Variants in CAMK4 observed in about 807,000 individuals in gnomAD.
The protein encoded by CAMK4 is calcium/calmodulin dependent protein kinase IV, also known as calcium/calmodulin-dependent protein kinase type IV.
A neutral mutation model predicts 44.9 loss-of-function variants in CAMK4; 22 were observed. The observed-to-expected ratio is 0.49, with a 90% CI of 0.35 to 0.70. The LOEUF (loss-of-function observed/expected upper bound fraction) is 0.70. Among genes scored for constraint, CAMK4 ranks in the 30% least tolerant of loss-of-function variants. The probability of loss-of-function intolerance (pLI) is 0.01; values close to 1 mark genes in which losing one functional copy is unlikely to be tolerated. For synonymous variants in CAMK4, 218 were observed against 215.4 expected, an observed-to-expected ratio of 1.01 and a Z score of -0.11; for missense variants, 498 against 586.8, an observed-to-expected ratio of 0.85 and a Z score of 1.56.
intron 2 of CAMK4, among the ~76,000 whole-genome samples, chr5:111,357,699 G>A (rs1258743353): frequency 3.3e-5 from 5 of 152,000 alleles, no homozygotes; most frequent in African/African-American, 9.7e-5. Context: ...AGTTTTCAAC[G>A]TTTTTTAAAA....
intron 1 of CAMK4, among the ~76,000 whole-genome samples, chr5:111,319,276 C>T (rs1748562101): frequency 6.6e-6 from 1 of 152,164 alleles, no homozygotes; most frequent in Non-Finnish European, 1.5e-5. Flanking sequence ...TGGGACCTTT[C>T]TAGATAGACT....
At chr5:111,421,951 A>C (rs192478313) in intron 5 of CAMK4, among the ~76,000 whole-genome samples, 5 of 152,350 alleles carry the variant, frequency 3.3e-5, no homozygotes, top group Admixed American at 2.0e-4. Context: ...GCCTGCTGCC[A>C]TGTAAGATGT....
At chr5:111,340,650 C>G (rs1221286892) in intron 1 of CAMK4, among the ~76,000 whole-genome samples, 2 of 151,064 alleles carry the variant, frequency 1.3e-5, no homozygotes, top group Admixed American at 6.6e-5. Flanking sequence ...CTGTGTTCAT[C>G]AGGGATATTT....
chr5:111,482,656 C>G lies in CAMK4; in HGVS notation c.829-129C>G. 1.4e-6 allele frequency: 1 copy of G among 720,140 alleles called. No homozygotes were observed. The highest frequency in any genetic ancestry group is 2.2e-6 in the Non-Finnish European group (1 of 445,604). 44.6% of individuals were successfully genotyped at this position (720,140 alleles called of 1,614,324 possible). A position where few individuals can be genotyped will look rare whatever the true frequency, so the allele number is the denominator to read the frequency against. The stretch of plus-strand genomic sequence containing the variant: ...CTACAGTGGCCCCTGAGGACTTAAA[C>G]AATTTTTTTCTCACATATATTTAGT... On this transcript the variant is annotated intron_variant, in intron 9 of 10. Transcript: ENST00000282356. The surrounding 1 kb of genome is among the most constrained non-coding windows in gnomAD (Gnocchi z 4.9).
chr5:111,303,900 G>A (rs1191761968), intron 1 of CAMK4, among the ~76,000 whole-genome samples: 2 of 131,730 alleles, frequency 1.5e-5, no homozygotes, highest in Non-Finnish European at 3.1e-5. Flanking sequence ...GGATCTCTCG[G>A]CAGAAACCCT....
Position 111,493,390 on chromosome 5 carries a change from C to T in CAMK4, c.*8924C>T, listed in dbSNP as rs1244792338. On this transcript the variant is annotated 3_prime_UTR_variant, in exon 11 of 11. Coordinates refer to ENST00000282356, the MANE Select transcript of CAMK4 (RefSeq NM_001744.6). The surrounding 1 kb of genome is among the most constrained non-coding windows in gnomAD (Gnocchi z 4.1). ...ACAGATAATTTCAAGTTTTCCAAGACTCCAATTTCTGAAAAATGTCTCATG... is the reference window on the plus strand; with the variant it reads ...ACAGATAATTTCAAGTTTTCCAAGATTCCAATTTCTGAAAAATGTCTCATG... 1.3e-5 allele frequency: 2 copies of T among 152,138 alleles called. No homozygotes were observed. The highest frequency in any genetic ancestry group is 4.8e-5 in the African/African-American group (2 of 41,432). 9.4% of individuals were successfully genotyped at this position (152,138 alleles called of 1,614,324 possible).
At chr5:111,417,287 C>T (rs1332656368) in intron 5 of CAMK4, among the ~76,000 whole-genome samples, 2 of 151,490 alleles carry the variant, frequency 1.3e-5, no homozygotes, top group Non-Finnish European at 2.9e-5. Context: ...TGCAGTGGCC[C>T]GATCTCAGTA....
chr5:111,385,976 C>G (rs1479441961), intron 4 of CAMK4, among the ~76,000 whole-genome samples: 1 of 152,056 alleles, frequency 6.6e-6, no homozygotes, highest in Non-Finnish European at 1.5e-5. Flanking sequence ...TTGATTTGAC[C>G]TCCTCTTTCT....
At chr5:111,270,491 TA>T (rs1367545123) in intron 1 of CAMK4, among the ~76,000 whole-genome samples, 1 of 152,196 alleles carries the variant, frequency 6.6e-6, no homozygotes, top group African/African-American at 2.4e-5. Context: ...CTGATACTAT[TA>T]ACACTGACAT....
In CAMK4 at chr5:111,494,200, A is replaced by G. The variant is rs567565500; in HGVS notation, c.*9734A>G. ...CTGCAAGTCAGTAGCCAAACACAAG[A>G]GCATGTAAGATTTGGAGGACAAAGT... On this transcript the variant is annotated 3_prime_UTR_variant, in exon 11 of 11. Transcript: ENST00000282356. 26 of 152,314 alleles carry G rather than the reference A, an allele frequency of 1.7e-4. No homozygotes were observed. The highest frequency in any genetic ancestry group is 6.0e-4 in the African/African-American group (25 of 41,576). 9.4% of individuals were successfully genotyped at this position (152,314 alleles called of 1,614,324 possible). A position where few individuals can be genotyped will look rare whatever the true frequency, so the allele number is the denominator to read the frequency against.
chr5:111,405,385 T>A (rs890671313), intron 5 of CAMK4, among the ~76,000 whole-genome samples: 1 of 152,116 alleles, frequency 6.6e-6, no homozygotes, highest in Non-Finnish European at 1.5e-5. Flanking sequence ...GGAGAATCAT[T>A]TGAACCCGGT....
Position 111,239,277 on chromosome 5 carries a change from G to A in CAMK4, c.161+14633G>A, listed in dbSNP as rs1012765695. On this transcript the variant is annotated intron_variant, in intron 1 of 10. Coordinates refer to ENST00000282356, the MANE Select transcript of CAMK4 (RefSeq NM_001744.6). ...CTATGATGCTTACGATTAATTCGAG[G>A]TCTGTTTTACTTGTGTTTTGCTTGG... Among the ~76,000 whole-genome samples the A allele has an allele frequency of 1.3e-5, 2 of 152,008 alleles. 1 individual carries two copies. The highest frequency in any genetic ancestry group is 1.3e-4 in the Admixed American group (2 of 15,262).
rs116712470 is a variant in CAMK4, at chr5:111,353,665, A to G, written c.240+9563A>G. ...TCATTTCAGTAAAGTTTCAGAATATATAAATGAGGTACAAAAATAAGTTAC... is the reference window on the plus strand; with the variant it reads ...TCATTTCAGTAAAGTTTCAGAATATGTAAATGAGGTACAAAAATAAGTTAC... On this transcript the variant is annotated intron_variant, in intron 2 of 10. Coordinates refer to ENST00000282356, the MANE Select transcript of CAMK4 (RefSeq NM_001744.6). 4.3e-3 allele frequency among the ~76,000 whole-genome samples: 658 copies of G among 152,258 alleles called. 3 individuals are homozygous for G. Among genetic ancestry groups the G allele is most frequent in the African/African-American group, 0.015 (628 of 41,570 alleles).
chr5:111,263,429 TTATTTA>T (rs1167116495), intron 1 of CAMK4, among the ~76,000 whole-genome samples: 5 of 152,282 alleles, frequency 3.3e-5, no homozygotes, highest in Middle Eastern at 3.4e-3. Context: ...GGAAATACTG[TTATTTA>T]CTTCTCTACT....
chr5:111,397,425 C>T (rs1218358537), intron 5 of CAMK4, among the ~76,000 whole-genome samples: 3 of 152,140 alleles, frequency 2.0e-5, no homozygotes, highest in Non-Finnish European at 2.9e-5. Context: ...TATGCAGACA[C>T]ACTTACTCCC....
At chr5:111,449,612 T>C (rs1580768919) in intron 7 of CAMK4, 1 of 153,352 alleles carries the variant, frequency 6.5e-6, no homozygotes, top group South Asian at 2.0e-4. Flanking sequence ...GAGAATGGGG[T>C]GGTCCCTAGT....
intron 1 of CAMK4, among the ~76,000 whole-genome samples, chr5:111,284,159 T>G (rs2112610764): frequency 6.6e-6 from 1 of 152,334 alleles, no homozygotes; most frequent in South Asian, 2.1e-4. Context: ...TATATCTCCC[T>G]TATTAACTCT....
intron 2 of CAMK4, among the ~76,000 whole-genome samples, chr5:111,372,246 G>A (rs924722418): frequency 6.6e-6 from 1 of 152,106 alleles, no homozygotes; most frequent in African/African-American, 2.4e-5. Flanking sequence ...AACAATAACG[G>A]AGTCCTCAGT....
chr5:111,461,491 C>T (rs550018371), intron 7 of CAMK4, among the ~76,000 whole-genome samples: 9 of 152,192 alleles, frequency 5.9e-5, no homozygotes, highest in South Asian at 2.1e-4. Flanking sequence ...AACAAAGGAC[C>T]GCACAAAGTA....
Sources: gnomAD v4.1 joint callset for allele counts (sites outside exome capture counted in the v4.1 genomes callset) on GRCh38, gnomAD v4.1.1 for gene constraint, Gnocchi (gnomAD v3.1) non-coding constraint, MANE v1.5 for transcripts, NCBI Gene and HGNC (gene_info 2026-07-23, HGNC 2026-07-21) for gene names.